The following MGMT variants were observed in gnomAD, a reference collection of about 807,000 sequenced individuals.
The protein encoded by MGMT is methylated-DNA--protein-cysteine methyltransferase.
MGMT carries 14 observed loss-of-function variants against 15.9 expected under a neutral mutation model. That is an observed-to-expected ratio of 0.88 (90% CI 0.58 to 1.37). The LOEUF is 1.37. Ranked by LOEUF, MGMT falls within the 40% of genes most tolerant of loss-of-function variation. The probability of loss-of-function intolerance (pLI) is 0.00; values close to 1 mark genes in which losing one functional copy is unlikely to be tolerated. For missense variants in MGMT, 282 were observed against 268.1 expected (o/e 1.05, Z -0.36); for synonymous variants, 130 against 118.2 (o/e 1.10, Z -0.65).
intron 1 of MGMT, among the ~76,000 whole-genome samples, chr10:129,500,717 T>A (rs1042773768): frequency 2.0e-5 from 3 of 152,018 alleles, no homozygotes; most frequent in Middle Eastern, 3.2e-3. Flanking sequence ...ACCTTCCTGA[T>A]TTTTGTATGT....
At chr10:129,547,464 G>T (rs1434316539) in intron 2 of MGMT, among the ~76,000 whole-genome samples, 1 of 152,142 alleles carries the variant, frequency 6.6e-6, no homozygotes, top group Non-Finnish European at 1.5e-5. Flanking sequence ...CAGTACACCT[G>T]CAGATTCATG....
At chr10:129,487,946 C>CACACACAAACACACATAGGTGT (rs1845426725) in intron 1 of MGMT, among the ~76,000 whole-genome samples, 1 of 114,352 alleles carries the variant, frequency 8.7e-6, no homozygotes, top group Non-Finnish European at 1.9e-5. Context: ...TATATATATA[C>CACACACAAACACACATAGGTGT]ACACACAAAC....
chr10:129,578,139 T>C (rs2133044388), intron 2 of MGMT, among the ~76,000 whole-genome samples: 1 of 152,298 alleles, frequency 6.6e-6, no homozygotes, highest in East Asian at 1.9e-4. Context: ...TCCTCAAGGA[T>C]CTAGAACTAG....
chr10:129,536,256 G>T lies in MGMT; in HGVS notation c.4G>T (p.Asp2Tyr). The T allele has an allele frequency of 1.2e-6, 2 of 1,613,832 alleles. No homozygotes were observed. The highest frequency in any genetic ancestry group is 1.7e-6 in the Non-Finnish European group (2 of 1,179,952). Reference sequence around the variant, plus strand: ...TTCTGTTTAGGTACTTGGAAAAATGGACAAGGATTGTGAAATGAAACGCAC... The same window carrying T: ...TTCTGTTTAGGTACTTGGAAAAATGTACAAGGATTGTGAAATGAAACGCAC... M[D>Y]KDCEMKRTTL... The change falls in exon 2 of 5, where the codon GAC becomes TAC. Residue 2 changes from aspartate (D) to tyrosine (Y), a missense_variant. Physicochemically the swap from Asp to Tyr is radical, Grantham distance 160. Transcript: ENST00000651593.
chr10:129,694,382 G>A (rs531099712), intron 2 of MGMT: 2 of 152,364 alleles, frequency 1.3e-5, no homozygotes, highest in South Asian at 2.1e-4. Context: ...CCCCTGGGAG[G>A]GCTGAGACCT....
intron 2 of MGMT, among the ~76,000 whole-genome samples, chr10:129,665,655 T>G (rs1847650867): frequency 6.6e-6 from 1 of 151,982 alleles, no homozygotes. Flanking sequence ...AGGAAGTGCT[T>G]AGGATGATGG....
chr10:129,510,233 A>C (rs915442329), intron 1 of MGMT, among the ~76,000 whole-genome samples: 1 of 152,216 alleles, frequency 6.6e-6, no homozygotes, highest in African/African-American at 2.4e-5. Context: ...TAGAGGCTAA[A>C]ATATAACATA....
At chr10:129,552,216 A>G (rs1175818566) in intron 2 of MGMT, among the ~76,000 whole-genome samples, 2 of 152,154 alleles carry the variant, frequency 1.3e-5, no homozygotes, top group East Asian at 3.9e-4. Context: ...CGTTTCCTGA[A>G]CATGTGGGAG....
chr10:129,665,141 T>G (rs1475287278), intron 2 of MGMT, among the ~76,000 whole-genome samples: 1 of 148,798 alleles, frequency 6.7e-6, no homozygotes, highest in Non-Finnish European at 1.5e-5. Context: ...ACTCCTTCAG[T>G]CACCCACCCA....
At chr10:129,629,085 C>T (rs1230779221) in intron 2 of MGMT, among the ~76,000 whole-genome samples, 1 of 152,228 alleles carries the variant, frequency 6.6e-6, no homozygotes. Context: ...GGAGCAGGTC[C>T]CACCAGCGCC....
chr10:129,594,207 A>G (rs1284033713), intron 2 of MGMT, among the ~76,000 whole-genome samples: 3 of 152,106 alleles, frequency 2.0e-5, no homozygotes, highest in Non-Finnish European at 2.9e-5. Flanking sequence ...CGTTGCAATG[A>G]CTCAGCCTCT....
At chr10:129,618,000 T>A (rs1847047911) in intron 2 of MGMT, among the ~76,000 whole-genome samples, 1 of 152,002 alleles carries the variant, frequency 6.6e-6, no homozygotes. Context: ...CTCCTGGGTG[T>A]GAAGAGGCCT....
Position 129,766,813 on chromosome 10 carries a change from G to T in MGMT, c.440G>T (p.Arg147Ile). The T allele has an allele frequency of 6.2e-7, 1 of 1,613,352 alleles. No homozygotes were observed. Among genetic ancestry groups the T allele is most frequent in the South Asian group, 1.1e-5 (1 of 91,046 alleles). ...NPVPILIPCH[R>I]VVCSSGAVGN... ...GTCCCCATCCTCATCCCGTGCCACA[G>T]AGTGGTCTGCAGCAGCGGAGCCGTG... Residue 147 changes from arginine to isoleucine, a missense_variant, in exon 5 of 5, where the codon AGA becomes ATA. Transcript: ENST00000651593.
chr10:129,697,681 C>G (rs995709465), intron 2 of MGMT, among the ~76,000 whole-genome samples: 3 of 152,200 alleles, frequency 2.0e-5, no homozygotes, highest in African/African-American at 7.2e-5. Context: ...TGTTCATGTA[C>G]CCCTGCCCAA....
intron 3 of MGMT, among the ~76,000 whole-genome samples, chr10:129,714,450 T>C (rs1182758180): frequency 6.6e-6 from 1 of 152,224 alleles, no homozygotes. Flanking sequence ...TCAAGCACTT[T>C]CCTTTTTCAA....
intron 2 of MGMT, among the ~76,000 whole-genome samples, chr10:129,626,673 G>C (rs1018594618): frequency 2.6e-5 from 4 of 152,184 alleles, no homozygotes; most frequent in Non-Finnish European, 5.9e-5. Context: ...GAGACGACAG[G>C]CTCCGGTTCC....
At chr10:129,625,736 CGTGT>C (rs55919642) in intron 2 of MGMT, among the ~76,000 whole-genome samples, 77,208 of 151,910 alleles carry the variant, frequency 0.51, 19,976 homozygotes, top group African/African-American at 0.59. Flanking sequence ...CGTGTGTGTG[CGTGT>C]GTGTGCATGC....
intron 2 of MGMT, among the ~76,000 whole-genome samples, chr10:129,692,595 G>C (rs570886518): frequency 1.3e-5 from 2 of 152,328 alleles, no homozygotes; most frequent in East Asian, 3.9e-4. Context: ...AAGTGGTGAC[G>C]TGGAATGCCC....
At chr10:129,660,964 C>T (rs565005415) in intron 2 of MGMT, among the ~76,000 whole-genome samples, 11 of 152,272 alleles carry the variant, frequency 7.2e-5, no homozygotes, top group African/African-American at 2.6e-4. Flanking sequence ...GAAGTACAGC[C>T]GTAAAATCCT....
Sources: gnomAD v4.1 joint callset for allele counts (sites outside exome capture counted in the v4.1 genomes callset) on GRCh38, gnomAD v4.1.1 for gene constraint, MANE v1.5 for transcripts, NCBI Gene and HGNC (gene_info 2026-07-23, HGNC 2026-07-21) for gene names.